The following MAMDC2 variants were observed in gnomAD, a reference collection of about 807,000 sequenced individuals.
MAMDC2 encodes MAM domain-containing protein 2.
In MAMDC2, 57 loss-of-function variants were observed where a neutral mutation model predicts 89.8. The observed-to-expected ratio is 0.63, with a 90% CI of 0.51 to 0.79. The LOEUF (loss-of-function observed/expected upper bound fraction) is 0.79. MAMDC2 is among the 30% of genes least tolerant of loss of function. MAMDC2 has a pLI of 0.00. For missense variants in MAMDC2, 800 were observed against 820.6 expected, an observed-to-expected ratio of 0.97 and a Z score of 0.31; for synonymous variants, 313 against 293.4, an observed-to-expected ratio of 1.07 and a Z score of -0.68.
chr9:70,108,181 TC>T, intron 2 of MAMDC2, 29 bp from the exon 3 acceptor site: 2 of 1,508,828 alleles, frequency 1.3e-6, no homozygotes, highest in Middle Eastern at 1.8e-4. Flanking sequence ...CAAAAATTGA[TC>T]CTTTTCCTAT....
At chr9:70,126,817 G>A (rs903495685) in intron 6 of MAMDC2, among the ~76,000 whole-genome samples, 1 of 150,778 alleles carries the variant, frequency 6.6e-6, no homozygotes, top group Non-Finnish European at 1.5e-5. Flanking sequence ...TTCCTTACTT[G>A]AGTGAACTGT....
At chr9:70,103,140 A>T (rs1399729815) in intron 2 of MAMDC2, among the ~76,000 whole-genome samples, 2 of 152,242 alleles carry the variant, frequency 1.3e-5, no homozygotes, top group African/African-American at 2.4e-5. Context: ...TCTGGAAATT[A>T]ACCAAAGGCT....
At chr9:70,106,260 G>T (rs1463873767) in intron 2 of MAMDC2, among the ~76,000 whole-genome samples, 1 of 152,098 alleles carries the variant, frequency 6.6e-6, no homozygotes, top group African/African-American at 2.4e-5. Context: ...AAGTACCCAG[G>T]GAAAATTGAG....
intron 2 of MAMDC2, among the ~76,000 whole-genome samples, chr9:70,075,412 T>C (rs1827509734): frequency 6.6e-6 from 1 of 152,196 alleles, no homozygotes; most frequent in African/African-American, 2.4e-5. Context: ...TTTCCCAGGC[T>C]TTAAGCCAGG....
At chr9:70,128,017 TA>T (rs141390303) in intron 6 of MAMDC2, among the ~76,000 whole-genome samples, 2,294 of 152,318 alleles carry the variant, frequency 0.015, 50 homozygotes, top group African/African-American at 0.052. Flanking sequence ...TGGACACTAC[TA>T]AACCTCAATA....
intron 11 of MAMDC2, among the ~76,000 whole-genome samples, chr9:70,179,352 A>AACACAC (rs56198912): frequency 1.4e-4 from 21 of 147,630 alleles, no homozygotes; most frequent in Admixed American, 2.7e-4. Context: ...CTCTACTAAA[A>AACACAC]ACACACACAC....
intron 11 of MAMDC2, chr9:70,216,216 A>G (rs1168130820): frequency 6.6e-6 from 1 of 152,212 alleles, no homozygotes; most frequent in Non-Finnish European, 1.5e-5. Flanking sequence ...AAATTGGCAA[A>G]TGTTGGTGTT....
At chr9:70,224,230 G>A (rs1022454547) in intron 12 of MAMDC2, among the ~76,000 whole-genome samples, 2 of 152,016 alleles carry the variant, frequency 1.3e-5, no homozygotes, top group Non-Finnish European at 2.9e-5. Context: ...AGAGGAGAAA[G>A]AGAGAGACAG....
chr9:70,143,133 C>T lies in MAMDC2; in HGVS notation c.1139-421C>T, dbSNP rs560931508. On this transcript the variant is annotated intron_variant, in intron 8 of 13. Coordinates refer to ENST00000377182, the MANE Select transcript of MAMDC2 (RefSeq NM_153267.5). ...CAGCCTGAAATCCCACCATCTCTAT[C>T]GGTCACTAAGGAGATAATAAGGAAG... is the stretch of plus-strand genomic sequence containing the variant. 4.6e-5 allele frequency among the ~76,000 whole-genome samples: 7 copies of T among 152,316 alleles called. No individual in the cohort carries two copies. The South Asian group carries it at 1.2e-3, about 27-fold the overall frequency.
chr9:70,196,814 C>G (rs1300890241), intron 11 of MAMDC2, among the ~76,000 whole-genome samples: 2 of 151,988 alleles, frequency 1.3e-5, no homozygotes, highest in African/African-American at 2.4e-5. Flanking sequence ...ATGATAAAGC[C>G]AGGATAGTGT....
At chr9:70,082,373 T>A (rs1827672995) in intron 2 of MAMDC2, among the ~76,000 whole-genome samples, 2 of 152,178 alleles carry the variant, frequency 1.3e-5, no homozygotes, top group Admixed American at 1.3e-4. Flanking sequence ...GTTCTGGAAA[T>A]GTCAAATTCA....
intron 11 of MAMDC2, among the ~76,000 whole-genome samples, chr9:70,211,417 T>G (rs991575412): frequency 1.3e-5 from 2 of 152,260 alleles, no homozygotes; most frequent in Admixed American, 1.3e-4. Flanking sequence ...TTTCATCGAA[T>G]CAGCTACTGA....
intron 7 of MAMDC2, among the ~76,000 whole-genome samples, chr9:70,132,165 A>G (rs1386199125): frequency 1.3e-5 from 2 of 152,200 alleles, no homozygotes; most frequent in Admixed American, 1.3e-4. Flanking sequence ...TTTTATCATG[A>G]TCAGTTTTGA....
At position 70,045,025 on chromosome 9, in the gene MAMDC2, G is replaced by A. The variant is rs138653704; in HGVS notation, c.148+328G>A. 4.2e-3 allele frequency among the ~76,000 whole-genome samples: 636 copies of A among 151,166 alleles called. 2 individuals carry two copies. Among genetic ancestry groups the A allele is most frequent in the African/African-American group, 0.015 (608 of 40,600 alleles). On this transcript the variant is annotated intron_variant, in intron 2 of 13. Coordinates refer to ENST00000377182, the MANE Select transcript of MAMDC2 (RefSeq NM_153267.5). The stretch of plus-strand genomic sequence containing the variant: ...GGGCCTCTGCAGGCACACCAGCTGT[G>A]TGCCTCTGCAGGCCAGCAACCTTTC...
chr9:70,083,035 G>A (rs1827688838), intron 2 of MAMDC2: 1 of 152,144 alleles, frequency 6.6e-6, no homozygotes, highest in Admixed American at 6.6e-5. Flanking sequence ...AAATTTCAAA[G>A]CATGTTTAGC....
chr9:70,223,117 A>G (rs2033595051), intron 12 of MAMDC2, among the ~76,000 whole-genome samples: 1 of 139,342 alleles, frequency 7.2e-6, no homozygotes, highest in Non-Finnish European at 1.5e-5. Context: ...CCAGCTTGAG[A>G]GCAAGACTCT....
intron 2 of MAMDC2, among the ~76,000 whole-genome samples, chr9:70,049,134 T>C (rs748593449): frequency 4.6e-5 from 7 of 152,098 alleles, no homozygotes; most frequent in African/African-American, 1.2e-4. Flanking sequence ...CAGAAAAAGG[T>C]TGGATGGCTT....
chr9:70,159,517 G>A (rs953565413), intron 9 of MAMDC2, among the ~76,000 whole-genome samples: 2 of 152,194 alleles, frequency 1.3e-5, no homozygotes, highest in African/African-American at 2.4e-5. Flanking sequence ...GTAGGGCAAA[G>A]TCAGCATTCT....
At chr9:70,104,995 A>G (rs56892241) in intron 2 of MAMDC2, among the ~76,000 whole-genome samples, 9,655 of 152,144 alleles carry the variant, frequency 0.063, 967 homozygotes, top group African/African-American at 0.21. Context: ...GAATAAATAA[A>G]ACATTTTTTT....
Sources: gnomAD v4.1 joint callset for allele counts (sites outside exome capture counted in the v4.1 genomes callset) on GRCh38, gnomAD v4.1.1 for gene constraint, MANE v1.5 for transcripts, NCBI Gene and HGNC (gene_info 2026-07-23, HGNC 2026-07-21) for gene names.